Variants in PLEKHA3 observed in about 807,000 individuals in gnomAD.
PLEKHA3 encodes pleckstrin homology domain containing A3.
In PLEKHA3, 19 loss-of-function variants were observed where a neutral mutation model predicts 39.2. The observed-to-expected ratio is 0.48, with a 90% CI of 0.34 to 0.71. PLEKHA3 has a LOEUF of 0.71. Ranked by LOEUF, PLEKHA3 falls within the 30% of genes least tolerant of loss-of-function variation. PLEKHA3 has a pLI of 0.01. For synonymous variants in PLEKHA3, 97 were observed against 118.6 expected (o/e 0.82, Z 1.18); for missense variants, 253 against 359.5 (o/e 0.70, Z 2.40).
rs1558934949 is a variant in PLEKHA3 at position 178,514,119 on chromosome 2, G to C, written c.*10232G>C. 1 of 151,154 alleles carries C rather than the reference G, an allele frequency of 6.6e-6. No homozygotes were observed. The highest frequency in any genetic ancestry group is 1.5e-5 in the Non-Finnish European group (1 of 67,904). The allele number at this position is 151,154 out of a possible 1,614,324, so 9.4% of individuals were successfully genotyped here. A position where few individuals can be genotyped will look rare whatever the true frequency, so the allele number is the denominator to read the frequency against. On this transcript the variant is annotated 3_prime_UTR_variant, in exon 8 of 8. Transcript: ENST00000234453. The stretch of plus-strand genomic sequence containing the variant: ...TTTTTTTCTTGTTTTGCAGTTGTTG[G>C]CTAGAGAAAAGTGTGTAGCAATAAG...
chr2:178,503,349 T>C (rs1421436597), intron 7 of PLEKHA3, among the ~76,000 whole-genome samples: 1 of 151,980 alleles, frequency 6.6e-6, no homozygotes, highest in Non-Finnish European at 1.5e-5. Context: ...GGGTAAGGCA[T>C]GTATCCTTTT....
rs1414602020 is a variant in PLEKHA3, at chr2:178,515,487, C to T, written c.*11600C>T. ...TTTGATAGATGATTATAGAGTTCCC[C>T]AAAATGGCCTTCTTACTATTTCTAT... On this transcript the variant is annotated 3_prime_UTR_variant, in exon 8 of 8. Coordinates refer to ENST00000234453, the MANE Select transcript of PLEKHA3 (RefSeq NM_019091.4). 6.6e-6 allele frequency: 1 copy of T among 152,028 alleles called. No individual in the cohort carries two copies. The highest frequency in any genetic ancestry group is 6.5e-5 in the Admixed American group (1 of 15,268). 9.4% of individuals were successfully genotyped at this position (152,028 alleles called of 1,614,324 possible).
intron 4 of PLEKHA3, among the ~76,000 whole-genome samples, chr2:178,494,519 T>C (rs1685408178): frequency 6.6e-6 from 1 of 152,192 alleles, no homozygotes. Context: ...GGCCAGCATG[T>C]TGCCTGTCCC....
chr2:178,491,010 C>CTTTTTTTTTTTTTTTTTTTTTT (rs1204723389), intron 3 of PLEKHA3, among the ~76,000 whole-genome samples, 196 bp downstream of exon 3: 15 of 129,534 alleles, frequency 1.2e-4, no homozygotes, highest in African/African-American at 3.8e-4. Context: ...CTCTTTCTTT[C>CTTTTTTTTTTTTTTTTTTTTTT]TTTTTTTTTT....
intron 1 of PLEKHA3, among the ~76,000 whole-genome samples, chr2:178,484,171 G>T (rs914231512): frequency 6.6e-6 from 1 of 152,136 alleles, no homozygotes; most frequent in Non-Finnish European, 1.5e-5. Context: ...TTGAGAAATA[G>T]ATTTTTTTGG....
chr2:178,481,889 ACTT>A (rs1440005479), intron 1 of PLEKHA3: 3 of 150,552 alleles, frequency 2.0e-5, no homozygotes, highest in African/African-American at 4.9e-5. Context: ...CTTGCTGCCC[ACTT>A]CTTCGCTCTG....
At chr2:178,483,465 T>C (rs1685204347) in intron 1 of PLEKHA3, among the ~76,000 whole-genome samples, 1 of 152,160 alleles carries the variant, frequency 6.6e-6, no homozygotes, top group South Asian at 2.1e-4. Context: ...AAAAAGTGTG[T>C]AGAGATAATT....
intron 1 of PLEKHA3, among the ~76,000 whole-genome samples, chr2:178,482,835 G>A (rs935880386): frequency 1.3e-5 from 2 of 152,170 alleles, no homozygotes; most frequent in African/African-American, 4.8e-5. Context: ...TGGTTGAAAA[G>A]AAATCTTTTG....
At position 178,511,437 on chromosome 2, in the gene PLEKHA3, G is replaced by A. The variant is rs1220036802; in HGVS notation, c.*7550G>A. ...AGCCCAAGTTAGAGTGCAGTGACAC[G>A]ATCTTGGCTCACTGCAACCTCCACC... On this transcript the variant is annotated 3_prime_UTR_variant, in exon 8 of 8. Coordinates refer to ENST00000234453, the MANE Select transcript of PLEKHA3 (RefSeq NM_019091.4). 1 of 149,056 alleles carries A rather than the reference G, an allele frequency of 6.7e-6. No individual in the cohort carries two copies. Among genetic ancestry groups the A allele is most frequent in the African/African-American group, 2.5e-5 (1 of 40,318 alleles). 9.2% of individuals were successfully genotyped at this position (149,056 alleles called of 1,614,324 possible).
chr2:178,499,935 C>T (rs1387912191), intron 6 of PLEKHA3, among the ~76,000 whole-genome samples: 1 of 152,062 alleles, frequency 6.6e-6, no homozygotes, highest in East Asian at 1.9e-4. Context: ...GCTCATTTTA[C>T]CTCAGCTGTT....
intron 1 of PLEKHA3, among the ~76,000 whole-genome samples, chr2:178,483,725 A>G (rs753990539): frequency 3.3e-5 from 5 of 152,240 alleles, no homozygotes; most frequent in Non-Finnish European, 5.9e-5. Context: ...TATCATTTCC[A>G]TGCATGATCA....
At chr2:178,503,022 T>C (rs1685550624) in intron 7 of PLEKHA3, among the ~76,000 whole-genome samples, 1 of 152,070 alleles carries the variant, frequency 6.6e-6, no homozygotes, top group African/African-American at 2.4e-5. Flanking sequence ...AAGTTGTTAC[T>C]CAAAAATATT....
rs562914729 is a variant in PLEKHA3, at chr2:178,490,044, G to A, written c.158-615G>A. Among the ~76,000 whole-genome samples, 32 of 152,260 alleles carry A rather than the reference G, an allele frequency of 2.1e-4. No homozygotes were observed. In the South Asian group the frequency reaches 6.0e-3, roughly 29 times the overall value. On this transcript the variant is annotated intron_variant, in intron 2 of 7. Transcript: ENST00000234453. Reference sequence around the variant, plus strand: ...AATTTTGTTTTACAACAAAGACTTGGGATTGGCTCATCATAATTCCTGATT... The same window carrying A: ...AATTTTGTTTTACAACAAAGACTTGAGATTGGCTCATCATAATTCCTGATT...
At chr2:178,497,849 G>T (rs568691438) in intron 5 of PLEKHA3, among the ~76,000 whole-genome samples, 5 of 152,150 alleles carry the variant, frequency 3.3e-5, no homozygotes, top group Admixed American at 1.3e-4. Flanking sequence ...GTAGTCCAGA[G>T]AAGTCAATGC....
rs1685619708 is a variant in PLEKHA3, at chr2:178,507,380, A to G, written c.*3493A>G. ...TAACTATCATTATTTCCTTTTTACT[A>G]GAATGTTATTTTTTCTGGGGTTGGT... On this transcript the variant is annotated 3_prime_UTR_variant, in exon 8 of 8. Coordinates refer to ENST00000234453, the MANE Select transcript of PLEKHA3 (RefSeq NM_019091.4). 6.6e-6 allele frequency: 1 copy of G among 152,116 alleles called. No homozygotes were observed. Among genetic ancestry groups the G allele is most frequent in the African/African-American group, 2.4e-5 (1 of 41,408 alleles). The allele number at this position is 152,116 out of a possible 1,614,324, so 9.4% of individuals were successfully genotyped here.
intron 5 of PLEKHA3, among the ~76,000 whole-genome samples, chr2:178,496,242 T>G (rs752010696): frequency 3.9e-5 from 6 of 152,236 alleles, no homozygotes; most frequent in Non-Finnish European, 7.3e-5. Flanking sequence ...ACTTCCTTAT[T>G]GCTCAGAACA....
In PLEKHA3 at chr2:178,480,725, C is replaced by T. The variant is rs1385917382; in HGVS notation, c.-145C>T. 2 of 595,042 alleles carry T rather than the reference C, an allele frequency of 3.4e-6. No homozygotes were observed. Among genetic ancestry groups the T allele is most frequent in the Non-Finnish European group, 2.5e-6 (1 of 405,588 alleles). The allele number at this position is 595,042 out of a possible 1,614,324, so 36.9% of individuals were successfully genotyped here. A position where few individuals can be genotyped will look rare whatever the true frequency, so the allele number is the denominator to read the frequency against. Reference sequence around the variant, plus strand: ...CCCGGCCTCTAAAGGCCGCCACGTCCCTGCGGCGCGCGCAGGCAGAAAGCG... The same window carrying T: ...CCCGGCCTCTAAAGGCCGCCACGTCTCTGCGGCGCGCGCAGGCAGAAAGCG... On this transcript the variant is annotated 5_prime_UTR_variant, in exon 1 of 8. Transcript: ENST00000234453.
Position 178,495,470 on chromosome 2 carries a change from G to A in PLEKHA3, c.451-26G>A, listed in dbSNP as rs763430635. ...ATTCCATGTAGTTGTATGCAAATCT[G>A]TTCAAGTCTTTGTGTAATTTTTCAG... On this transcript the variant is annotated intron_variant, in intron 4 of 7. Coordinates refer to ENST00000234453, the MANE Select transcript of PLEKHA3 (RefSeq NM_019091.4). The A allele has an allele frequency of 1.9e-6, 3 of 1,612,410 alleles. No homozygotes were observed. In the South Asian group the frequency reaches 3.3e-5, roughly 18 times the overall value.
At chr2:178,480,989 G>A (rs1685153374) in intron 1 of PLEKHA3, 80 bp downstream of exon 1, 4 of 1,239,606 alleles carry the variant, frequency 3.2e-6, no homozygotes, top group Non-Finnish European at 3.1e-6. Flanking sequence ...CTCTTCCTCC[G>A]TCTGGCCTCC....
Sources: gnomAD v4.1 joint callset for allele counts (sites outside exome capture counted in the v4.1 genomes callset) on GRCh38, gnomAD v4.1.1 for gene constraint, MANE v1.5 for transcripts, NCBI Gene and HGNC (gene_info 2026-07-23, HGNC 2026-07-21) for gene names.